Variants in SKAP1 observed in about 807,000 individuals in gnomAD.
The protein encoded by SKAP1 is src kinase associated phosphoprotein 1.
Under a neutral mutation model 58.5 loss-of-function variants are expected in SKAP1, and 44 were observed. That is an observed-to-expected ratio of 0.75 (90% confidence interval 0.59 to 0.97). SKAP1 has a LOEUF of 0.97. Ranked by LOEUF, SKAP1 falls within the 50% of genes least tolerant of loss-of-function variation. The pLI is 0.00. For missense variants in SKAP1, 390 were observed against 435.2 expected (o/e 0.90, Z 0.92); for synonymous variants, 127 against 149.7 (o/e 0.85, Z 1.11).
intron 4 of SKAP1, among the ~76,000 whole-genome samples, chr17:48,254,279 T>C (rs1365159315): frequency 6.6e-6 from 1 of 152,186 alleles, no homozygotes; most frequent in Non-Finnish European, 1.5e-5. Context: ...GTTCATAATG[T>C]GCAATGTGTA....
intron 4 of SKAP1, among the ~76,000 whole-genome samples, chr17:48,192,907 T>C (rs1412713989): frequency 1.3e-5 from 2 of 152,178 alleles, no homozygotes; most frequent in Non-Finnish European, 2.9e-5. Context: ...TTTGCTAAAA[T>C]TGGGTACCAA....
chr17:48,147,155 A>G (rs556500707), intron 11 of SKAP1, among the ~76,000 whole-genome samples: 1 of 152,328 alleles, frequency 6.6e-6, no homozygotes, highest in South Asian at 2.1e-4. Flanking sequence ...TCCCTATATC[A>G]GTGCTTATAA....
chr17:48,329,797 A>G (rs561081392), intron 4 of SKAP1, among the ~76,000 whole-genome samples: 4 of 152,294 alleles, frequency 2.6e-5, no homozygotes, highest in South Asian at 4.1e-4. Flanking sequence ...TTTTGGAACT[A>G]CAGAGACTTG....
At chr17:48,424,418 G>A (rs1333179000) in intron 1 of SKAP1, among the ~76,000 whole-genome samples, 1 of 150,986 alleles carries the variant, frequency 6.6e-6, no homozygotes, top group African/African-American at 2.4e-5. Flanking sequence ...GTACAGACGG[G>A]GTTTCACCGT....
chr17:48,249,599 C>T (rs999710559), intron 4 of SKAP1, among the ~76,000 whole-genome samples: 5 of 151,744 alleles, frequency 3.3e-5, no homozygotes. Flanking sequence ...ATCTGAACCC[C>T]GGAAGTCGAG....
At chr17:48,373,532 T>C (rs576681791) in intron 2 of SKAP1, among the ~76,000 whole-genome samples, 2 of 152,274 alleles carry the variant, frequency 1.3e-5, no homozygotes, top group South Asian at 4.1e-4. Context: ...ATAAATCTGG[T>C]ACTTAAGAGA....
At chr17:48,421,296 CTTTTTTTT>C (rs35201215) in intron 1 of SKAP1, among the ~76,000 whole-genome samples, 1 of 119,240 alleles carries the variant, frequency 8.4e-6, no homozygotes, top group African/African-American at 3.1e-5. Flanking sequence ...ATAGAGTGTT[CTTTTTTTT>C]TTTTTTTTTT....
intron 1 of SKAP1, among the ~76,000 whole-genome samples, chr17:48,397,281 A>G (rs1046314655): frequency 6.6e-6 from 1 of 152,180 alleles, no homozygotes; most frequent in African/African-American, 2.4e-5. Flanking sequence ...GTTGGAGTGC[A>G]GTGGCGTCAT....
chr17:48,416,434 G>A (rs980144961), intron 1 of SKAP1, among the ~76,000 whole-genome samples: 1 of 152,132 alleles, frequency 6.6e-6, no homozygotes, highest in Non-Finnish European at 1.5e-5. Flanking sequence ...GTCCATCCCA[G>A]GGCTCTCCTT....
At chr17:48,441,129 C>A in the SKAP1 span, among the ~76,000 whole-genome samples, 10 of 152,230 alleles carry the variant, frequency 6.6e-5, no homozygotes, top group East Asian at 1.3e-3. Context: ...AAAAACCAAA[C>A]AAACAAACAA....
At chr17:48,430,266 G>A (rs2067902278), upstream of SKAP1, 2 of 512,086 alleles carry the variant, frequency 3.9e-6, no homozygotes, top group African/African-American at 2.0e-5. Context: ...CGGGGCCGTG[G>A]GTCCCCGGGC....
At chr17:48,142,377 G>C (rs568079551) in intron 11 of SKAP1, among the ~76,000 whole-genome samples, 254 of 152,256 alleles carry the variant, frequency 1.7e-3, no homozygotes, top group Non-Finnish European at 3.0e-3. Context: ...CAGGAGAATT[G>C]CTTGAACCCG....
At chr17:48,380,518 A>G (rs897502033) in intron 2 of SKAP1, 1 of 152,224 alleles carries the variant, frequency 6.6e-6, no homozygotes, top group Non-Finnish European at 1.5e-5. Flanking sequence ...CCTTTTATTG[A>G]AGCACAAATT....
At chr17:48,306,591 C>CT (rs927680615) in intron 4 of SKAP1, among the ~76,000 whole-genome samples, 7 of 151,962 alleles carry the variant, frequency 4.6e-5, no homozygotes, top group African/African-American at 1.5e-4. Context: ...AGTTACACAC[C>CT]TTTTTTAAAA....
At chr17:48,441,524 T>C in the SKAP1 span, among the ~76,000 whole-genome samples, 1 of 152,158 alleles carries the variant, frequency 6.6e-6, no homozygotes, top group Non-Finnish European at 1.5e-5. Context: ...GATAATAGCT[T>C]TACCACTTCC....
chr17:48,371,146 GA>G (rs2067079658), intron 2 of SKAP1, among the ~76,000 whole-genome samples: 1 of 152,168 alleles, frequency 6.6e-6, no homozygotes, highest in African/African-American at 2.4e-5. Flanking sequence ...GAAAGAGAAA[GA>G]GGGGTAGGAG....
intron 4 of SKAP1, among the ~76,000 whole-genome samples, chr17:48,284,382 A>C (rs2065804470): frequency 6.6e-6 from 1 of 152,220 alleles, no homozygotes; most frequent in African/African-American, 2.4e-5. Context: ...AACATGGAGG[A>C]AAAACTGTTT....
At chr17:48,143,991 C>T (rs182549066) in intron 11 of SKAP1, among the ~76,000 whole-genome samples, 1 of 152,342 alleles carries the variant, frequency 6.6e-6, no homozygotes, top group East Asian at 1.9e-4. Context: ...AAAAGCCAGG[C>T]TCCCAGTCTG....
Position 48,335,974 on chromosome 17 carries a change from G to A in SKAP1, c.280+9931C>T, listed in dbSNP as rs113068826. 4.1e-3 allele frequency among the ~76,000 whole-genome samples: 618 copies of A among 152,122 alleles called. 8 individuals are homozygous for A. The highest frequency in any genetic ancestry group is 0.014 in the African/African-American group (592 of 41,518). On this transcript the variant is annotated intron_variant, in intron 4 of 12. Transcript: ENST00000336915. ...CAGTTTTAATTTTTGAATTCACTACGTAAGCTCACATGTTGAGAACTTACA... is the reference window on the plus strand; with the variant it reads ...CAGTTTTAATTTTTGAATTCACTACATAAGCTCACATGTTGAGAACTTACA...
Sources: allele counts gnomAD v4.1 joint callset (sites outside exome capture counted in the v4.1 genomes callset), GRCh38; gene constraint gnomAD v4.1.1; transcripts MANE v1.5; gene names NCBI Gene and HGNC (gene_info 2026-07-23, HGNC 2026-07-21).